SGIP1: variants seen among roughly 807,000 people sequenced by gnomAD.
The protein encoded by SGIP1 is SH3GL interacting endocytic adaptor 1.
Under a neutral mutation model 107.5 loss-of-function variants are expected in SGIP1, and 38 were observed. The observed-to-expected ratio is 0.35, with a 90% confidence interval of 0.27 to 0.46. The LOEUF (loss-of-function observed/expected upper bound fraction) is 0.46. SGIP1 is among the 20% of genes least tolerant of loss of function. SGIP1 has a pLI of 1.00. For missense variants in SGIP1, 929 were observed against 1,019.5 expected (o/e 0.91, Z 1.21); for synonymous variants, 365 against 366.1 (o/e 1.00, Z 0.03).
chr1:66,535,072 A>G (rs1200140764), intron 1 of SGIP1, among the ~76,000 whole-genome samples: 1 of 152,190 alleles, frequency 6.6e-6, no homozygotes, highest in East Asian at 1.9e-4. Flanking sequence ...TTATTTGCTG[A>G]TGATCTTTTC....
intron 1 of SGIP1, among the ~76,000 whole-genome samples, chr1:66,594,423 G>A (rs1392548683): frequency 6.6e-6 from 1 of 152,136 alleles, no homozygotes; most frequent in African/African-American, 2.4e-5. Flanking sequence ...GATTTGTTCA[G>A]TGGTTTGTTA....
rs540854391 is a variant in SGIP1, at chr1:66,583,455, A to G, written c.11-42392A>G. ...ACTTTCGTTCTTGTCAACTACTGGGATTAACTATTTGCTCAAAGGCTGGTT... is the reference window on the plus strand; with the variant it reads ...ACTTTCGTTCTTGTCAACTACTGGGGTTAACTATTTGCTCAAAGGCTGGTT... On this transcript the variant is annotated intron_variant, in intron 1 of 24. Transcript: ENST00000371037. Among the ~76,000 whole-genome samples the G allele has an allele frequency of 6.6e-5, 10 of 152,190 alleles. No individual in the cohort carries two copies. In the South Asian group the frequency reaches 1.9e-3, roughly 28 times the overall value.
intron 1 of SGIP1, among the ~76,000 whole-genome samples, chr1:66,561,115 G>A (rs1027060295): frequency 8.6e-5 from 13 of 152,038 alleles, no homozygotes; most frequent in Non-Finnish European, 1.9e-4. Flanking sequence ...CTATGTGCCA[G>A]ACACTGTTCT....
chr1:66,637,965 A>C (rs2076119117), intron 4 of SGIP1, among the ~76,000 whole-genome samples: 1 of 151,910 alleles, frequency 6.6e-6, no homozygotes, highest in African/African-American at 2.4e-5. Flanking sequence ...TCATGGAAGC[A>C]AACTGTAGAA....
chr1:66,575,200 T>A (rs1232000252), intron 1 of SGIP1, among the ~76,000 whole-genome samples: 1 of 152,178 alleles, frequency 6.6e-6, no homozygotes, highest in Non-Finnish European at 1.5e-5. Flanking sequence ...GCAAATGGTC[T>A]TCCAGGAATT....
intron 1 of SGIP1, among the ~76,000 whole-genome samples, chr1:66,624,919 G>C (rs1267421621): frequency 6.6e-6 from 1 of 152,182 alleles, no homozygotes; most frequent in African/African-American, 2.4e-5. Context: ...ACTGGGCTTG[G>C]CTTGTCAGGA....
intron 20 of SGIP1, among the ~76,000 whole-genome samples, chr1:66,729,638 T>C (rs1442152287): frequency 6.6e-6 from 1 of 152,188 alleles, no homozygotes; most frequent in African/African-American, 2.4e-5. Context: ...CGTGTTTTAA[T>C]GGCCAACTAT....
chr1:66,712,217 G>T (rs928790734), intron 18 of SGIP1, among the ~76,000 whole-genome samples: 3 of 152,126 alleles, frequency 2.0e-5, no homozygotes, highest in African/African-American at 4.8e-5. Context: ...ACCATTTATT[G>T]TTAATTTTGT....
chr1:66,659,966 G>A (rs201532106), intron 7 of SGIP1, among the ~76,000 whole-genome samples: 1,363 of 53,298 alleles, frequency 0.026, 101 homozygotes, highest in East Asian at 0.082. Context: ...AAGAAAGAAA[G>A]AAAGAAAGAA....
intron 18 of SGIP1, among the ~76,000 whole-genome samples, chr1:66,710,745 T>C (rs1354804008): frequency 1.3e-5 from 2 of 152,166 alleles, no homozygotes; most frequent in African/African-American, 4.8e-5. Flanking sequence ...TTCCATGAAG[T>C]CAGTGAAACT....
intron 1 of SGIP1, among the ~76,000 whole-genome samples, chr1:66,544,881 T>G (rs1347006604): frequency 2.6e-5 from 4 of 152,292 alleles, no homozygotes; most frequent in Non-Finnish European, 5.9e-5. Flanking sequence ...TGCTATTGAC[T>G]GTAACCATTA....
intron 7 of SGIP1, among the ~76,000 whole-genome samples, chr1:66,654,143 T>C (rs561293165): frequency 1.3e-5 from 2 of 152,326 alleles, no homozygotes; most frequent in Non-Finnish European, 2.9e-5. Context: ...GTATGCCGTA[T>C]CTAGCTCTGC....
At chr1:66,545,520 G>A (rs1475592523) in intron 1 of SGIP1, among the ~76,000 whole-genome samples, 1 of 152,070 alleles carries the variant, frequency 6.6e-6, no homozygotes, top group African/African-American at 2.4e-5. Context: ...TGGATGTGAC[G>A]ATAACAGTCT....
At chr1:66,625,780 A>G in intron 1 of SGIP1, 67 bp from the exon 2 acceptor site, 1 of 1,447,890 alleles carries the variant, frequency 6.9e-7, no homozygotes, top group South Asian at 1.2e-5. Flanking sequence ...GGTGTGTTAC[A>G]ACCTTCAAAA....
chr1:66,658,949 T>G (rs1330343927), intron 7 of SGIP1, among the ~76,000 whole-genome samples: 1 of 152,018 alleles, frequency 6.6e-6, no homozygotes, highest in Non-Finnish European at 1.5e-5. Flanking sequence ...AGAAGCAGCA[T>G]GGGCAGGAGA....
chr1:66,698,704 T>A (rs1182288131), intron 18 of SGIP1, among the ~76,000 whole-genome samples: 10 of 152,116 alleles, frequency 6.6e-5, no homozygotes, highest in African/African-American at 2.4e-4. Flanking sequence ...TTTAAATTCA[T>A]CAAAGACTGT....
intron 12 of SGIP1, among the ~76,000 whole-genome samples, chr1:66,674,024 C>T (rs1056999421): frequency 1.1e-4 from 16 of 152,002 alleles, no homozygotes; most frequent in African/African-American, 3.9e-4. Context: ...TAAAATTAGC[C>T]GGGCATGGTG....
At chr1:66,553,599 T>C (rs960856293) in intron 1 of SGIP1, among the ~76,000 whole-genome samples, 6 of 151,130 alleles carry the variant, frequency 4.0e-5, no homozygotes, top group African/African-American at 1.5e-4. Context: ...TTGCTTGAAC[T>C]TGGGAGGTGG....
intron 15 of SGIP1, chr1:66,683,956 A>T (rs1571787421): frequency 1.7e-6 from 2 of 1,145,012 alleles, no homozygotes; most frequent in African/African-American, 1.6e-5. Flanking sequence ...GCCTCAAGTG[A>T]CCCACCTGCC....
Sources: gnomAD v4.1 joint callset for allele counts (sites outside exome capture counted in the v4.1 genomes callset) on GRCh38, gnomAD v4.1.1 for gene constraint, MANE v1.5 for transcripts, NCBI Gene and HGNC (gene_info 2026-07-23, HGNC 2026-07-21) for gene names.